Variants in TNNI3K observed in about 807,000 individuals in gnomAD.
TNNI3K encodes the protein TNNI3 interacting kinase.
Under a neutral mutation model 114.5 loss-of-function variants are expected in TNNI3K, and 140 were observed. The observed-to-expected ratio is 1.22, with a 90% CI of 1.07 to 1.41. The LOEUF (loss-of-function observed/expected upper bound fraction) is 1.41, where lower values mean the gene tolerates loss of function less well. Among genes scored for constraint, TNNI3K ranks in the 40% most tolerant of loss-of-function variants. TNNI3K has a pLI of 0.00. For missense variants in TNNI3K, 1,125 were observed against 1,007.6 expected, an observed-to-expected ratio of 1.12 and a Z score of -1.58; for synonymous variants, 347 against 347.5, an observed-to-expected ratio of 1.00 and a Z score of 0.02.
intron 6 of TNNI3K, among the ~76,000 whole-genome samples, chr1:74,332,938 T>C (rs973253339): frequency 3.4e-5 from 3 of 88,352 alleles, no homozygotes; most frequent in African/African-American, 1.2e-4. Flanking sequence ...GTGAGAATAC[T>C]CAAGGAACTG....
At chr1:74,471,384 C>A (rs1667925156) in intron 21 of TNNI3K, 2 of 400,568 alleles carry the variant, frequency 5.0e-6, no homozygotes, top group Non-Finnish European at 8.8e-6. Context: ...TAGGAGGCAA[C>A]AATACCTGCT....
At chr1:74,447,139 C>G (rs895422321) in intron 20 of TNNI3K, among the ~76,000 whole-genome samples, 1 of 151,306 alleles carries the variant, frequency 6.6e-6, no homozygotes, top group African/African-American at 2.4e-5. Context: ...GGCAGTATGG[C>G]CATTTTCACG....
At chr1:74,467,541 G>A (rs919291801) in intron 21 of TNNI3K, among the ~76,000 whole-genome samples, 16 of 151,534 alleles carry the variant, frequency 1.1e-4, no homozygotes, top group African/African-American at 3.9e-4. Context: ...TTGGAAACTG[G>A]AACAGGAAAT....
intron 17 of TNNI3K, among the ~76,000 whole-genome samples, chr1:74,432,034 G>GTCTTAAC (rs1665923570): frequency 6.6e-6 from 1 of 152,074 alleles, no homozygotes; most frequent in Non-Finnish European, 1.5e-5. Flanking sequence ...CCTTGAAGAT[G>GTCTTAAC]CTTCTGGAGA....
chr1:74,353,206 C>T, intron 9 of TNNI3K, 60 bp from the exon 10 acceptor site: 1 of 1,566,996 alleles, frequency 6.4e-7, no homozygotes, highest in Non-Finnish European at 8.7e-7. Context: ...GGGGAGAGGG[C>T]ACAATTTAGT....
At chr1:74,413,327 T>TTTCTAGCATCTTCTCAATACA (rs1438639471) in intron 17 of TNNI3K, among the ~76,000 whole-genome samples, 1 of 152,188 alleles carries the variant, frequency 6.6e-6, no homozygotes, top group East Asian at 1.9e-4. Context: ...TCATTTTAAT[T>TTTCTAGCATCTTCTCAATACA]TTCTAGCATC....
intron 23 of TNNI3K, among the ~76,000 whole-genome samples, chr1:74,532,366 T>A (rs1383584569): frequency 2.6e-5 from 4 of 152,192 alleles, no homozygotes; most frequent in Non-Finnish European, 5.9e-5. Flanking sequence ...GTGCAAATAA[T>A]CCAAAACCCT....
intron 5 of TNNI3K, among the ~76,000 whole-genome samples, chr1:74,274,735 A>G (rs1489749737): frequency 2.6e-5 from 4 of 152,066 alleles, no homozygotes; most frequent in Non-Finnish European, 5.9e-5. Context: ...TAAATCTATC[A>G]TGAGTGGCAA....
At chr1:74,255,297 T>G (rs1310816923) in intron 4 of TNNI3K, among the ~76,000 whole-genome samples, 1 of 140,168 alleles carries the variant, frequency 7.1e-6, no homozygotes, top group Middle Eastern at 4.0e-3. Flanking sequence ...GAGCTTGCAG[T>G]GAGCCGAGAT....
chr1:74,453,856 A>C (rs957361163), intron 20 of TNNI3K, among the ~76,000 whole-genome samples: 1 of 152,190 alleles, frequency 6.6e-6, no homozygotes, highest in African/African-American at 2.4e-5. Flanking sequence ...GCAGGAACGT[A>C]GGTATACCCA....
intron 2 of TNNI3K, among the ~76,000 whole-genome samples, chr1:74,245,425 G>C (rs188411149): frequency 6.6e-6 from 1 of 152,120 alleles, no homozygotes; most frequent in Non-Finnish European, 1.5e-5. Context: ...TAAAATTCTC[G>C]ACCTCTTGAG....
chr1:74,460,988 G>A (rs1570649811), intron 20 of TNNI3K, among the ~76,000 whole-genome samples: 1 of 152,150 alleles, frequency 6.6e-6, no homozygotes, highest in East Asian at 1.9e-4. Flanking sequence ...CTCATTTTAT[G>A]ACTAGTCCCT....
chr1:74,418,421 T>C (rs1401550875), intron 17 of TNNI3K: 3 of 161,154 alleles, frequency 1.9e-5, no homozygotes, highest in African/African-American at 7.2e-5. Flanking sequence ...TTTTTTCTTT[T>C]GTGATAATTT....
intron 10 of TNNI3K, among the ~76,000 whole-genome samples, chr1:74,353,578 G>A (rs955837238): frequency 1.6e-4 from 24 of 151,112 alleles, no homozygotes; most frequent in African/African-American, 5.6e-4. Flanking sequence ...TTTGCAGTCA[G>A]TGCATCCTCT....
intron 20 of TNNI3K, among the ~76,000 whole-genome samples, chr1:74,446,088 A>T (rs925004842): frequency 6.6e-6 from 1 of 151,912 alleles, no homozygotes; most frequent in Non-Finnish European, 1.5e-5. Context: ...TGGTATTTCT[A>T]GTTCTAGATC....
chr1:74,388,181 G>T (rs1360052851), intron 17 of TNNI3K, among the ~76,000 whole-genome samples: 2 of 152,142 alleles, frequency 1.3e-5, no homozygotes, highest in Admixed American at 1.3e-4. Flanking sequence ...AGGAGGCTGA[G>T]GCAGAAGAAT....
chr1:74,246,594 T>C (rs1654571939), intron 2 of TNNI3K, among the ~76,000 whole-genome samples: 1 of 151,874 alleles, frequency 6.6e-6, no homozygotes, highest in Non-Finnish European at 1.5e-5. Flanking sequence ...AAAAACAAAG[T>C]ATTGGACTGG....
intron 24 of TNNI3K, among the ~76,000 whole-genome samples, chr1:74,541,900 C>A (rs12064601): frequency 0.016 from 2,375 of 152,306 alleles, 52 homozygotes; most frequent in African/African-American, 0.053. Context: ...AATATAACAA[C>A]AATTTTATGA....
chr1:74,267,977 T>C (rs1013154489), intron 4 of TNNI3K, among the ~76,000 whole-genome samples: 2 of 151,960 alleles, frequency 1.3e-5, no homozygotes, highest in Non-Finnish European at 1.5e-5. Flanking sequence ...AAAATTTATT[T>C]TAATTTAGCC....
Sources: gnomAD v4.1 joint callset for allele counts (sites outside exome capture counted in the v4.1 genomes callset) on GRCh38, gnomAD v4.1.1 for gene constraint, MANE v1.5 for transcripts, NCBI Gene and HGNC (gene_info 2026-07-23, HGNC 2026-07-21) for gene names.